Variants in ABLIM1 observed in about 807,000 individuals in gnomAD.
ABLIM1 encodes the protein actin binding LIM protein 1.
ABLIM1 carries 40 observed loss-of-function variants against 107.0 expected under a neutral mutation model. The ratio of observed to expected loss-of-function variants is 0.37; its 90% CI spans 0.29 to 0.49. The LOEUF is 0.49. Ranked by LOEUF, ABLIM1 falls within the 20% of genes least tolerant of loss-of-function variation. The pLI is 0.97. For synonymous variants in ABLIM1, 357 were observed against 357.3 expected (o/e 1.00, Z 0.01); for missense variants, 857 against 1,008.5 (o/e 0.85, Z 2.04).
chr10:114,575,661 T>C, intron 2 of ABLIM1, 62 bp from the exon 3 acceptor site: 1 of 1,539,168 alleles, frequency 6.5e-7, no homozygotes, highest in Non-Finnish European at 8.8e-7. Flanking sequence ...GCACTGCCTT[T>C]GAGTGAATAC....
chr10:114,488,508 T>A (rs993606465), intron 7 of ABLIM1, among the ~76,000 whole-genome samples: 1 of 152,248 alleles, frequency 6.6e-6, no homozygotes, highest in African/African-American at 2.4e-5. Flanking sequence ...CAATTATACA[T>A]AGTCACCTAC....
At chr10:114,565,989 G>C (rs1045595989) in intron 4 of ABLIM1, among the ~76,000 whole-genome samples, 1 of 151,896 alleles carries the variant, frequency 6.6e-6, no homozygotes, top group African/African-American at 2.4e-5. Flanking sequence ...TAGAGATGGG[G>C]TTTCACCGTG....
the ABLIM1 span, among the ~76,000 whole-genome samples, chr10:114,800,300 T>C: frequency 1.3e-5 from 2 of 152,158 alleles, no homozygotes; most frequent in Non-Finnish European, 2.9e-5. Flanking sequence ...TCCTGTAATA[T>C]ACAGGAAAGT....
intron 1 of ABLIM1, among the ~76,000 whole-genome samples, chr10:114,716,410 AACAC>A (rs56097544): frequency 0.01 from 1,486 of 143,592 alleles, 24 homozygotes; most frequent in East Asian, 0.066. Flanking sequence ...GGTAGAGAGA[AACAC>A]ACACACACAC....
chr10:114,621,135 G>A (rs1288912378), intron 1 of ABLIM1, among the ~76,000 whole-genome samples: 4 of 152,198 alleles, frequency 2.6e-5, no homozygotes, highest in African/African-American at 4.8e-5. Context: ...TCCCTTTCTC[G>A]CCATCCTCTT....
chr10:114,758,135 T>C (rs2082671297), intron 1 of ABLIM1, among the ~76,000 whole-genome samples: 1 of 152,128 alleles, frequency 6.6e-6, no homozygotes, highest in East Asian at 1.9e-4. Flanking sequence ...CTCTCTAATA[T>C]TCTCCATTCT....
chr10:114,617,169 G>A (rs1376374380), intron 1 of ABLIM1, among the ~76,000 whole-genome samples: 1 of 152,128 alleles, frequency 6.6e-6, no homozygotes, highest in Non-Finnish European at 1.5e-5. Context: ...TATAGTGAAG[G>A]GCGTTCAGCC....
intron 1 of ABLIM1, among the ~76,000 whole-genome samples, chr10:114,737,888 A>G (rs146944428): frequency 6.6e-5 from 10 of 152,278 alleles, no homozygotes; most frequent in African/African-American, 2.2e-4. Context: ...AGGCACTACT[A>G]TAACTGTTCA....
chr10:114,769,415 AAAAGAAGGAAAGAAAG>A (rs1254696170), upstream of ABLIM1, among the ~76,000 whole-genome samples: 4,846 of 133,630 alleles, frequency 0.036, 161 homozygotes, highest in East Asian at 0.046. Context: ...AGAAAGAAAG[AAAAGAAGGAAAGAAAG>A]AAAGAAAGAA....
intron 1 of ABLIM1, among the ~76,000 whole-genome samples, chr10:114,737,992 T>C (rs915880412): frequency 1.3e-5 from 2 of 152,128 alleles, no homozygotes; most frequent in South Asian, 4.1e-4. Flanking sequence ...ACCCATCAAA[T>C]TGTATGCTTT....
chr10:114,787,179 C>A, the ABLIM1 span, among the ~76,000 whole-genome samples: 21 of 151,198 alleles, frequency 1.4e-4, no homozygotes, highest in Non-Finnish European at 2.5e-4. Flanking sequence ...CGTCTCTGCC[C>A]GGCCGCCCCG....
chr10:114,548,582 A>G (rs1287961969), intron 4 of ABLIM1, among the ~76,000 whole-genome samples: 1 of 152,234 alleles, frequency 6.6e-6, no homozygotes, highest in African/African-American at 2.4e-5. Flanking sequence ...AGTAGATGGC[A>G]CATTGGAAGT....
intron 1 of ABLIM1, among the ~76,000 whole-genome samples, chr10:114,767,255 G>A (rs2142748328): frequency 6.6e-6 from 1 of 152,294 alleles, no homozygotes; most frequent in Non-Finnish European, 1.5e-5. Context: ...ATCAAAAGGG[G>A]TGGCACTTAC....
chr10:114,473,194 T>C (rs2066921627), intron 9 of ABLIM1, 62 bp from the exon 10 acceptor site: 13 of 1,487,632 alleles, frequency 8.7e-6, no homozygotes, highest in Non-Finnish European at 1.2e-5. Flanking sequence ...GAAACTGTAG[T>C]TGGCGCATTT....
chr10:114,546,598 T>C (rs1207534545), intron 5 of ABLIM1, among the ~76,000 whole-genome samples: 1 of 152,140 alleles, frequency 6.6e-6, no homozygotes, highest in Non-Finnish European at 1.5e-5. Flanking sequence ...CCCAGCCTTC[T>C]TGCCCTTTCA....
intron 6 of ABLIM1, among the ~76,000 whole-genome samples, chr10:114,512,917 A>AAG (rs2062145961): frequency 2.0e-5 from 3 of 147,404 alleles, no homozygotes; most frequent in Non-Finnish European, 4.6e-5. Context: ...GGAAAGAAAG[A>AAG]GAGAAAGAAA....
At position 114,439,284 on chromosome 10, in the gene ABLIM1, G is replaced by T. The variant is rs768018436; in HGVS notation, c.2068-34C>A. 22 of 1,612,262 alleles carry T rather than the reference G, an allele frequency of 1.4e-5. No individual in the cohort carries two copies. In the East Asian group the frequency reaches 4.7e-4, roughly 34 times the overall value. ...GAAATGCCAGTTCCAGGTGAGGCATGAAATAGTCTAGGAAACTGAAGGGAG... is the reference window on the plus strand; with the variant it reads ...GAAATGCCAGTTCCAGGTGAGGCATTAAATAGTCTAGGAAACTGAAGGGAG... On this transcript the variant is annotated intron_variant, in intron 20 of 22. Transcript: ENST00000533213.
At chr10:114,668,936 A>T in intron 1 of ABLIM1, among the ~76,000 whole-genome samples, 1 of 152,244 alleles carries the variant, frequency 6.6e-6, no homozygotes, top group East Asian at 1.9e-4. Flanking sequence ...CCACAGGCAT[A>T]GATGAAAGAG....
chr10:114,496,397 G>C (rs1455920837), intron 6 of ABLIM1, among the ~76,000 whole-genome samples: 1 of 151,518 alleles, frequency 6.6e-6, no homozygotes, highest in Non-Finnish European at 1.5e-5. Flanking sequence ...ACTAACACAG[G>C]AACAGAAAAC....
Sources: allele counts gnomAD v4.1 joint callset (sites outside exome capture counted in the v4.1 genomes callset), GRCh38; gene constraint gnomAD v4.1.1; transcripts MANE v1.5; gene names NCBI Gene and HGNC (gene_info 2026-07-23, HGNC 2026-07-21).